CSMD3: variants seen among roughly 807,000 people sequenced by gnomAD.
CSMD3 encodes CUB and sushi domain-containing protein 3.
Under a neutral mutation model 435.2 loss-of-function variants are expected in CSMD3, and 177 were observed. The observed-to-expected ratio is 0.41, with a 90% CI of 0.36 to 0.46. CSMD3 has a LOEUF of 0.46. Among genes scored for constraint, CSMD3 ranks in the 20% least tolerant of loss-of-function variants. CSMD3 has a pLI of 0.34. For synonymous variants in CSMD3, 1,656 were observed against 1,520.5 expected, an observed-to-expected ratio of 1.09 and a Z score of -2.07; for missense variants, 4,265 against 4,504.6, an observed-to-expected ratio of 0.95 and a Z score of 1.52.
intron 10 of CSMD3, among the ~76,000 whole-genome samples, chr8:112,860,232 T>C (rs1442050301): frequency 1.3e-5 from 2 of 151,914 alleles, no homozygotes; most frequent in East Asian, 1.9e-4. Context: ...GTATGTTACA[T>C]GTAGATTTCT....
chr8:112,718,400 A>G (rs1261102842), intron 13 of CSMD3, among the ~76,000 whole-genome samples: 2 of 151,836 alleles, frequency 1.3e-5, no homozygotes, highest in Non-Finnish European at 2.9e-5. Flanking sequence ...TCTCAACTCA[A>G]CTCAACTCAA....
At chr8:112,788,220 G>A (rs1042515847) in intron 13 of CSMD3, among the ~76,000 whole-genome samples, 1 of 152,110 alleles carries the variant, frequency 6.6e-6, no homozygotes, top group African/African-American at 2.4e-5. Context: ...TACATGAAAA[G>A]GGAGGAGTGT....
intron 4 of CSMD3, among the ~76,000 whole-genome samples, chr8:113,161,242 A>T (rs2092033316): frequency 6.6e-6 from 1 of 152,140 alleles, no homozygotes; most frequent in Non-Finnish European, 1.5e-5. Context: ...ATTTTGTGTA[A>T]GAAGAATTAC....
chr8:112,663,446 T>C (rs2075437594), intron 17 of CSMD3, among the ~76,000 whole-genome samples: 1 of 115,852 alleles, frequency 8.6e-6, no homozygotes, highest in Admixed American at 1.3e-4. Flanking sequence ...TGAGAACACA[T>C]GGACACAGGA....
At chr8:113,057,262 C>A (rs1268923295) in intron 5 of CSMD3, among the ~76,000 whole-genome samples, 1 of 152,038 alleles carries the variant, frequency 6.6e-6, no homozygotes, top group Non-Finnish European at 1.5e-5. Flanking sequence ...AAGCCCTGGC[C>A]TTAGAATGTA....
At chr8:112,777,710 C>T (rs1300044185) in intron 13 of CSMD3, among the ~76,000 whole-genome samples, 2 of 151,584 alleles carry the variant, frequency 1.3e-5, no homozygotes, top group Non-Finnish European at 3.0e-5. Context: ...AAAATGAAGA[C>T]ATTATTATTT....
chr8:112,286,446 T>C (rs1306864569), intron 58 of CSMD3, among the ~76,000 whole-genome samples: 1 of 152,130 alleles, frequency 6.6e-6, no homozygotes, highest in East Asian at 1.9e-4. Context: ...GTACCTACCC[T>C]GTATATGATA....
intron 6 of CSMD3, among the ~76,000 whole-genome samples, chr8:112,998,569 T>G (rs562040899): frequency 2.6e-5 from 4 of 152,130 alleles, no homozygotes; most frequent in African/African-American, 7.2e-5. Context: ...CCACAAACCA[T>G]TTTTACTCCC....
At chr8:113,102,621 A>C (rs986199068) in intron 4 of CSMD3, among the ~76,000 whole-genome samples, 1 of 152,178 alleles carries the variant, frequency 6.6e-6, no homozygotes, top group African/African-American at 2.4e-5. Flanking sequence ...GAATTTCCTG[A>C]GGAAGTGATG....
rs1232369687 is a variant in CSMD3, at chr8:112,556,805, C to T, written c.4192G>A (p.Gly1398Arg). 2 of 1,612,526 alleles carry T rather than the reference C, an allele frequency of 1.2e-6. No homozygotes were observed. Among genetic ancestry groups the T allele is most frequent in the Admixed American group, 3.3e-5 (2 of 59,816 alleles). ...HGSSLLKCMT[G>R]ERRAWDYPLP... Reference sequence around the variant, plus strand: ...GGATAGTCCCATGCCCTTCTCTCCCCTGTCATGCACTTGAGAAGGCTACTT... The same window carrying T: ...GGATAGTCCCATGCCCTTCTCTCCCTTGTCATGCACTTGAGAAGGCTACTT... The change falls in exon 25 of 71, where the codon GGG becomes AGG. Residue 1398 changes from glycine to arginine, a missense_variant. Physicochemically the swap from Gly to Arg is moderately radical, Grantham distance 125. Coordinates refer to ENST00000297405, the MANE Select transcript of CSMD3 (RefSeq NM_198123.2).
At chr8:113,185,715 T>C (rs2092489217) in intron 3 of CSMD3, among the ~76,000 whole-genome samples, 1 of 151,986 alleles carries the variant, frequency 6.6e-6, no homozygotes, top group African/African-American at 2.4e-5. Flanking sequence ...ATCTGTATAT[T>C]TTGGTGTGTG....
Position 112,376,944 on chromosome 8 carries a change from T to A in CSMD3, c.6136+3408A>T, listed in dbSNP as rs147966670. The stretch of plus-strand genomic sequence containing the variant: ...AGAAAAACCACAGTTACCCAAACAC[T>A]CACCTAATTACATTTGTGATAATTT... On this transcript the variant is annotated intron_variant, in intron 38 of 70. Coordinates refer to ENST00000297405, the MANE Select transcript of CSMD3 (RefSeq NM_198123.2). 1.9e-3 allele frequency among the ~76,000 whole-genome samples: 292 copies of A among 152,250 alleles called. 1 individual carries two copies. Among genetic ancestry groups the A allele is most frequent in the Middle Eastern group, 0.017 (5 of 292 alleles).
intron 24 of CSMD3, 105 bp downstream of exon 24, chr8:112,573,396 A>C: frequency 2.0e-6 from 2 of 1,011,876 alleles, no homozygotes; most frequent in Admixed American, 1.7e-5. Context: ...GGAGCTGTAA[A>C]TTAATAATCA....
chr8:112,932,194 A>G (rs1177873944), intron 9 of CSMD3, among the ~76,000 whole-genome samples: 2 of 152,222 alleles, frequency 1.3e-5, no homozygotes, highest in Non-Finnish European at 2.9e-5. Context: ...AATCAATCTA[A>G]GTGTCTATCA....
chr8:112,638,358 A>T (rs901362021), intron 21 of CSMD3, among the ~76,000 whole-genome samples: 6 of 151,038 alleles, frequency 4.0e-5, no homozygotes, highest in African/African-American at 1.5e-4. Context: ...TAAAATATAT[A>T]TTTTAATTTT....
Position 112,921,707 on chromosome 8 carries a change from A to G in CSMD3, c.1553T>C (p.Leu518Pro). 1 of 1,611,060 alleles carries G rather than the reference A, an allele frequency of 6.2e-7. No individual in the cohort carries two copies. Among genetic ancestry groups the G allele is most frequent in the Admixed American group, 1.7e-5 (1 of 59,932 alleles). Residue 518 changes from leucine to proline, a missense_variant, in exon 10 of 71, where the codon CTA (leucine) becomes CCA (proline). This residue lies in a region of CSMD3 where 731 missense variants were observed against 755.4 expected (regional missense o/e 0.97). Transcript: ENST00000297405. ...VQFSCDEDYV[L>P]QGAKSITCQR... ...ACAGGTGATGCTCTTTGCGCCCTGT[A>G]GGACATAATCTTCATCACAAGAGAA...
At chr8:113,372,960 GA>G (rs1466160347) in intron 1 of CSMD3, among the ~76,000 whole-genome samples, 1 of 143,350 alleles carries the variant, frequency 7.0e-6, no homozygotes, top group Non-Finnish European at 1.5e-5. Flanking sequence ...AAAAAAGAAA[GA>G]AAAGACACAT....
chr8:113,070,627 C>T (rs1056881602), intron 5 of CSMD3, among the ~76,000 whole-genome samples: 2 of 151,886 alleles, frequency 1.3e-5, no homozygotes, highest in Admixed American at 6.6e-5. Context: ...CTCTGAACCC[C>T]GGCAACCACC....
At chr8:112,405,234 T>TATATGTATATATATATATATATATAC (rs1831725946) in intron 35 of CSMD3, among the ~76,000 whole-genome samples, 4 of 93,572 alleles carry the variant, frequency 4.3e-5, no homozygotes, top group African/African-American at 1.9e-4. Context: ...TATATATATA[T>TATATGTATATATATATATATATATAC]ATATATATAT....
Sources: gnomAD v4.1 joint callset for allele counts (sites outside exome capture counted in the v4.1 genomes callset) on GRCh38, gnomAD v4.1.1 for gene constraint, gnomAD v4.1.1 regional missense constraint, MANE v1.5 for transcripts, NCBI Gene and HGNC (gene_info 2026-07-23, HGNC 2026-07-21) for gene names.